The following CSMD1 variants were observed in gnomAD, a reference collection of about 807,000 sequenced individuals.
CSMD1 encodes the protein CUB and Sushi multiple domains 1.
In CSMD1, 213 loss-of-function variants were observed where a neutral mutation model predicts 417.5. The observed-to-expected ratio is 0.51, with a 90% CI of 0.46 to 0.57. The LOEUF is 0.57. Among genes scored for constraint, CSMD1 ranks in the 20% least tolerant of loss-of-function variants. The pLI is 0.00. For synonymous variants in CSMD1, 2,862 were observed against 1,736.8 expected, an observed-to-expected ratio of 1.65 and a Z score of -16.11; for missense variants, 6,923 against 4,529.7, an observed-to-expected ratio of 1.53 and a Z score of -15.17.
chr8:3,669,240 T>C (rs10090447), intron 7 of CSMD1, among the ~76,000 whole-genome samples: 2 of 152,046 alleles, frequency 1.3e-5, no homozygotes, highest in Admixed American at 1.3e-4. Context: ...GGTAGCACAC[T>C]GCATCAATCT....
intron 2 of CSMD1, among the ~76,000 whole-genome samples, chr8:4,429,687 C>T (rs750749279): frequency 2.6e-4 from 39 of 152,092 alleles, no homozygotes; most frequent in Non-Finnish European, 4.7e-4. Flanking sequence ...GACCCCAATA[C>T]CCCAAAAGAA....
intron 1 of CSMD1, among the ~76,000 whole-genome samples, chr8:4,737,773 T>G (rs557699579): frequency 1.1e-4 from 16 of 152,224 alleles, no homozygotes; most frequent in African/African-American, 3.9e-4. Flanking sequence ...AGAGAAGACA[T>G]AGAAACAAAT....
intron 3 of CSMD1, among the ~76,000 whole-genome samples, chr8:4,157,357 T>C (rs1796891989): frequency 6.6e-6 from 1 of 152,334 alleles, no homozygotes; most frequent in Non-Finnish European, 1.5e-5. Flanking sequence ...CATCATTTTC[T>C]TTGAAGAAAA....
At chr8:4,351,529 T>A (rs555113606) in intron 3 of CSMD1, among the ~76,000 whole-genome samples, 1 of 152,330 alleles carries the variant, frequency 6.6e-6, no homozygotes, top group East Asian at 1.9e-4. Context: ...AATTGTGAGA[T>A]TCATGGAGGT....
intron 5 of CSMD1, among the ~76,000 whole-genome samples, chr8:3,929,053 C>G (rs573614710): frequency 6.6e-6 from 1 of 150,432 alleles, no homozygotes; most frequent in Admixed American, 6.6e-5. Context: ...TTGCCATCTA[C>G]TAATTGCAGA....
At chr8:4,099,759 G>C (rs972999071) in intron 3 of CSMD1, among the ~76,000 whole-genome samples, 1 of 152,084 alleles carries the variant, frequency 6.6e-6, no homozygotes, top group East Asian at 1.9e-4. Flanking sequence ...CTCTTCCTGA[G>C]TTAATCTCCC....
chr8:3,939,187 T>C (rs937718244), intron 5 of CSMD1, among the ~76,000 whole-genome samples: 8 of 152,214 alleles, frequency 5.3e-5, no homozygotes, highest in South Asian at 2.1e-4. Context: ...ACAGACTGTA[T>C]AAGAGAACCC....
intron 2 of CSMD1, among the ~76,000 whole-genome samples, chr8:4,469,657 G>A (rs758064029): frequency 1.3e-5 from 2 of 151,972 alleles, no homozygotes; most frequent in Non-Finnish European, 2.9e-5. Flanking sequence ...TCCCCACCTC[G>A]TCTGGAAACA....
chr8:4,455,855 T>A (rs968675796), intron 2 of CSMD1, among the ~76,000 whole-genome samples: 1 of 131,072 alleles, frequency 7.6e-6, no homozygotes, highest in Admixed American at 9.5e-5. Context: ...TGCTTGAACC[T>A]GGGAGACAGG....
chr8:4,886,659 A>T (rs545099002), intron 1 of CSMD1, among the ~76,000 whole-genome samples: 60 of 152,130 alleles, frequency 3.9e-4, no homozygotes, highest in Non-Finnish European at 6.8e-4. Context: ...TTTTATTTCC[A>T]AGTAATCACA....
chr8:3,932,362 T>C (rs183939921), intron 5 of CSMD1, among the ~76,000 whole-genome samples: 1 of 150,626 alleles, frequency 6.6e-6, no homozygotes, highest in East Asian at 1.9e-4. Context: ...GAGGAATGAA[T>C]ATAGGCACTT....
intron 3 of CSMD1, among the ~76,000 whole-genome samples, chr8:4,260,748 A>G (rs1293189759): frequency 1.3e-5 from 2 of 152,152 alleles, no homozygotes; most frequent in African/African-American, 2.4e-5. Context: ...CTTGGTTTAA[A>G]CAATTTAGGC....
chr8:4,853,525 G>T (rs867027825), intron 1 of CSMD1, among the ~76,000 whole-genome samples: 3 of 152,224 alleles, frequency 2.0e-5, no homozygotes, highest in African/African-American at 7.2e-5. Flanking sequence ...GATTTCAGAA[G>T]ATGTATCAGA....
intron 3 of CSMD1, among the ~76,000 whole-genome samples, chr8:4,230,896 T>G (rs1169780984): frequency 6.6e-6 from 1 of 152,192 alleles, no homozygotes; most frequent in Admixed American, 6.5e-5. Flanking sequence ...CACCACCAAA[T>G]TCAATATTAT....
In CSMD1 at chr8:3,166,411, G is replaced by A. The variant is rs147102282; in HGVS notation, c.5726-4134C>T. ...TACCCGGGCGTGGTGGTGTGCACCT[G>A]TAGTCCCACCTACTCGGGAGGCTGA... On this transcript the variant is annotated intron_variant, in intron 37 of 69. Transcript: ENST00000635120. 1.2e-3 allele frequency among the ~76,000 whole-genome samples: 180 copies of A among 152,198 alleles called. 1 individual carries two copies. The East Asian group carries it at 0.033, about 28-fold the overall frequency.
At chr8:4,227,485 G>T (rs539924362) in intron 3 of CSMD1, among the ~76,000 whole-genome samples, 1 of 152,198 alleles carries the variant, frequency 6.6e-6, no homozygotes, top group East Asian at 1.9e-4. Flanking sequence ...GGAGTCCTGT[G>T]CCCTTGAGGC....
chr8:4,523,687 A>T (rs950716896), intron 2 of CSMD1, among the ~76,000 whole-genome samples: 5 of 152,228 alleles, frequency 3.3e-5, no homozygotes, highest in African/African-American at 1.2e-4. Flanking sequence ...AGGTCTGCTT[A>T]TGAAATGATC....
chr8:4,842,600 G>C (rs1016909411), intron 1 of CSMD1, among the ~76,000 whole-genome samples: 3 of 152,198 alleles, frequency 2.0e-5, no homozygotes, highest in Non-Finnish European at 4.4e-5. Context: ...CCCTGCTGCA[G>C]GGAACCCGGG....
chr8:3,491,161 C>T (rs182601049), intron 11 of CSMD1, among the ~76,000 whole-genome samples: 11 of 152,046 alleles, frequency 7.2e-5, no homozygotes, highest in South Asian at 2.1e-4. Context: ...GTGTCAGATG[C>T]AAAAGACTGT....
Sources: allele counts gnomAD v4.1 joint callset (sites outside exome capture counted in the v4.1 genomes callset), GRCh38; gene constraint gnomAD v4.1.1; transcripts MANE v1.5; gene names NCBI Gene and HGNC (gene_info 2026-07-23, HGNC 2026-07-21).